Variants in PAX5 observed in about 807,000 individuals in gnomAD.
PAX5 encodes paired box protein Pax-5.
In PAX5, 9 loss-of-function variants were observed where a neutral mutation model predicts 43.7. The observed-to-expected ratio is 0.21, with a 90% CI of 0.12 to 0.36. PAX5 has a LOEUF of 0.36. Among genes scored for constraint, PAX5 ranks in the 10% least tolerant of loss-of-function variants. The pLI, the probability that PAX5 is intolerant of heterozygous loss-of-function variation, is 1.00. For synonymous variants in PAX5, 228 were observed against 214.3 expected, an observed-to-expected ratio of 1.06 and a Z score of -0.56; for missense variants, 383 against 532.7, an observed-to-expected ratio of 0.72 and a Z score of 2.77.
chr9:36,976,463 TA>T (rs1326730144), intron 5 of PAX5, among the ~76,000 whole-genome samples: 1 of 152,084 alleles, frequency 6.6e-6, no homozygotes, highest in Non-Finnish European at 1.5e-5. Flanking sequence ...GCAACCAGGT[TA>T]AGTTGGCAAA....
intron 8 of PAX5, among the ~76,000 whole-genome samples, chr9:36,871,675 G>C (rs902219932): frequency 6.6e-6 from 1 of 152,184 alleles, no homozygotes; most frequent in Admixed American, 6.5e-5. Flanking sequence ...CCAAACACAT[G>C]TTCTCACATA....
chr9:37,001,810 CTTTTTTTTTTT>C (rs3073720), intron 5 of PAX5, among the ~76,000 whole-genome samples: 1 of 87,992 alleles, frequency 1.1e-5, no homozygotes, highest in South Asian at 5.1e-4. Context: ...ACAGCTCTGG[CTTTTTTTTTTT>C]TTTTTTTTTT....
intron 7 of PAX5, among the ~76,000 whole-genome samples, chr9:36,906,869 T>C (rs1038967741): frequency 2.0e-5 from 3 of 150,806 alleles, no homozygotes; most frequent in Admixed American, 6.6e-5. Context: ...CCCCATTTTA[T>C]AGATGAGGAG....
intron 7 of PAX5, among the ~76,000 whole-genome samples, chr9:36,887,034 C>T (rs1443149089): frequency 1.3e-5 from 2 of 152,174 alleles, no homozygotes; most frequent in Non-Finnish European, 2.9e-5. Context: ...CTGTTGTATA[C>T]ATGAGGAAAC....
chr9:36,958,749 A>G (rs1228849277), intron 6 of PAX5, among the ~76,000 whole-genome samples: 1 of 152,070 alleles, frequency 6.6e-6, no homozygotes, highest in Non-Finnish European at 1.5e-5. Flanking sequence ...TTTGCTCTCA[A>G]GGTAATACAA....
chr9:36,990,552 T>TTTA (rs770083605), intron 5 of PAX5, among the ~76,000 whole-genome samples: 2 of 152,220 alleles, frequency 1.3e-5, no homozygotes, highest in African/African-American at 4.8e-5. Flanking sequence ...GGCAGACTAT[T>TTTA]ATTTGGACAA....
chr9:36,952,414 C>T (rs4323558), intron 6 of PAX5, among the ~76,000 whole-genome samples: 109,881 of 151,638 alleles, frequency 0.72, 40,234 homozygotes, highest in South Asian at 0.83. Context: ...TAATTTTTTG[C>T]ATTTTAGTAG....
chr9:37,017,129 A>G (rs1839449916), intron 2 of PAX5, among the ~76,000 whole-genome samples: 1 of 152,246 alleles, frequency 6.6e-6, no homozygotes, highest in Admixed American at 6.5e-5. Flanking sequence ...CAATCTCTGC[A>G]GTCTCCAATT....
At position 36,899,172 on chromosome 9, in the gene PAX5, A is replaced by C. The variant is rs552736128; in HGVS notation, c.911-17067T>G. ...GCAAATGTTGCCGCAGAGTCCTGGC[A>C]GGCGCCAGGCAAATGCCACCAATAT... On this transcript the variant is annotated intron_variant, in intron 7 of 9. Coordinates refer to ENST00000358127, the MANE Select transcript of PAX5 (RefSeq NM_016734.3). Among the ~76,000 whole-genome samples the C allele has an allele frequency of 2.2e-3, 340 of 152,210 alleles. 2 individuals carry two copies. The highest frequency in any genetic ancestry group is 0.014 in the Middle Eastern group (4 of 294).
rs1838403968 is a variant in PAX5, at chr9:37,006,544, G to A, written c.411-7C>T. 6.2e-7 allele frequency: 1 copy of A among 1,613,580 alleles called. No individual in the cohort carries two copies. The highest frequency in any genetic ancestry group is 8.5e-7 in the Non-Finnish European group (1 of 1,179,510). On this transcript the variant is annotated splice_region_variant and splice_polypyrimidine_tract_variant and intron_variant, in intron 3 of 9. Coordinates refer to ENST00000358127, the MANE Select transcript of PAX5 (RefSeq NM_016734.3). Reference sequence around the variant, plus strand: ...TACTTTTGTCCGGATGATCCTGTGGGCAGTTGAAAAACAAAATTGCTATTT... The same window carrying A: ...TACTTTTGTCCGGATGATCCTGTGGACAGTTGAAAAACAAAATTGCTATTT...
intron 7 of PAX5, among the ~76,000 whole-genome samples, chr9:36,913,841 G>A (rs1829513607): frequency 6.6e-6 from 1 of 152,126 alleles, no homozygotes; most frequent in South Asian, 2.1e-4. Flanking sequence ...AGCACTCTGG[G>A]CTTTGTGGGG....
intron 8 of PAX5, among the ~76,000 whole-genome samples, chr9:36,868,863 C>T (rs950791522): frequency 5.9e-5 from 9 of 152,088 alleles, no homozygotes; most frequent in Non-Finnish European, 1.5e-5. Flanking sequence ...ACTCCAACCT[C>T]ACAACATGCT....
chr9:36,938,134 G>T (rs1420674615), intron 6 of PAX5, among the ~76,000 whole-genome samples: 1 of 152,134 alleles, frequency 6.6e-6, no homozygotes, highest in Non-Finnish European at 1.5e-5. Context: ...GTTTCTGCTT[G>T]TATGCCTTTT....
intron 7 of PAX5, among the ~76,000 whole-genome samples, chr9:36,892,166 C>T (rs1300023654): frequency 6.6e-6 from 1 of 152,216 alleles, no homozygotes; most frequent in African/African-American, 2.4e-5. Context: ...ACACTGATGG[C>T]TCTGGGCCTC....
chr9:36,915,128 A>C (rs1385043453), intron 7 of PAX5, among the ~76,000 whole-genome samples: 1 of 152,248 alleles, frequency 6.6e-6, no homozygotes, highest in African/African-American at 2.4e-5. Flanking sequence ...ACATATATAG[A>C]TATCATTGTG....
intron 6 of PAX5, among the ~76,000 whole-genome samples, chr9:36,931,742 A>G (rs1446012850): frequency 6.6e-6 from 1 of 151,598 alleles, no homozygotes; most frequent in Non-Finnish European, 1.5e-5. Context: ...CCAGCTACTC[A>G]GGAGGCTGAG....
chr9:36,975,250 GT>G (rs989433739), intron 5 of PAX5, among the ~76,000 whole-genome samples: 2 of 152,180 alleles, frequency 1.3e-5, no homozygotes, highest in Admixed American at 6.5e-5. Flanking sequence ...GCTCCTACAT[GT>G]GCTAAAGTGA....
chr9:37,005,138 T>C (rs1838283742), intron 4 of PAX5, among the ~76,000 whole-genome samples: 1 of 152,190 alleles, frequency 6.6e-6, no homozygotes, highest in Admixed American at 6.5e-5. Context: ...GCCACAAACA[T>C]TCCCCCAGGA....
Position 37,034,235 on chromosome 9 carries a change from G to C in PAX5, c.-204C>G, listed in dbSNP as rs574012888. 2 of 566,672 alleles carry C rather than the reference G, an allele frequency of 3.5e-6. No homozygotes were observed. The highest frequency in any genetic ancestry group is 1.9e-5 in the African/African-American group (1 of 52,540). The allele number at this position is 566,672 out of a possible 1,614,324, so 35.1% of individuals were successfully genotyped here. A position where few individuals can be genotyped will look rare whatever the true frequency, so the allele number is the denominator to read the frequency against. ...ACTAAACGTTTTAGGTGGAAAAAAAGCGTCCGAAGGCACCGTGAAATGATT... is the reference window on the plus strand; with the variant it reads ...ACTAAACGTTTTAGGTGGAAAAAAACCGTCCGAAGGCACCGTGAAATGATT... On this transcript the variant is annotated 5_prime_UTR_variant, in exon 1 of 10. Coordinates refer to ENST00000358127, the MANE Select transcript of PAX5 (RefSeq NM_016734.3).
Sources: allele counts gnomAD v4.1 joint callset (sites outside exome capture counted in the v4.1 genomes callset), GRCh38; gene constraint gnomAD v4.1.1; transcripts MANE v1.5; gene names NCBI Gene and HGNC (gene_info 2026-07-23, HGNC 2026-07-21).